The following TMOD1 variants were observed in gnomAD, a reference collection of about 807,000 sequenced individuals.
TMOD1 encodes tropomodulin-1.
A neutral mutation model predicts 40.6 loss-of-function variants in TMOD1; 17 were observed. That is an observed-to-expected ratio of 0.42 (90% CI 0.29 to 0.63). TMOD1 has a LOEUF of 0.63. TMOD1 is among the 20% of genes least tolerant of loss of function. TMOD1 has a pLI of 0.22. For missense variants in TMOD1, 391 were observed against 447.6 expected (o/e 0.87, Z 1.14); for synonymous variants, 181 against 175.0 (o/e 1.03, Z -0.27).
At chr9:97,569,980 G>A (rs1830794159) in intron 8 of TMOD1, among the ~76,000 whole-genome samples, 1 of 151,678 alleles carries the variant, frequency 6.6e-6, no homozygotes, top group South Asian at 2.1e-4. Context: ...AATTTTTGCT[G>A]AATGGTTGTA....
At chr9:97,505,052 G>T (rs562389025) in intron 1 of TMOD1, among the ~76,000 whole-genome samples, 1 of 152,266 alleles carries the variant, frequency 6.6e-6, no homozygotes, top group East Asian at 1.9e-4. Flanking sequence ...GGCTAATCAT[G>T]ATAGAACCTA....
At chr9:97,596,214 G>T (rs938008196) in intron 9 of TMOD1, among the ~76,000 whole-genome samples, 6 of 151,990 alleles carry the variant, frequency 3.9e-5, no homozygotes, top group Non-Finnish European at 8.8e-5. Context: ...TGCCGTGTAT[G>T]TTGAGCCCTC....
In TMOD1 at chr9:97,601,222, T is replaced by C; in HGVS notation, c.*1524T>C. ...AGCTGCATTCTGCATCGCTGAAAAC[T>C]GCAATATAATATTAAATCTGTTGGT... On this transcript the variant is annotated 3_prime_UTR_variant, in exon 10 of 10. Transcript: ENST00000259365. 7.8e-7 allele frequency: 1 copy of C among 1,276,276 alleles called. No homozygotes were observed. The highest frequency in any genetic ancestry group is 1.0e-6 in the Non-Finnish European group (1 of 973,612). 79.1% of individuals were successfully genotyped at this position (1,276,276 alleles called of 1,614,324 possible).
chr9:97,564,834 G>C (rs1830701872), intron 6 of TMOD1, among the ~76,000 whole-genome samples: 1 of 151,788 alleles, frequency 6.6e-6, no homozygotes, highest in South Asian at 2.1e-4. Flanking sequence ...GCTGAGCCCA[G>C]AGACCAGTGG....
chr9:97,558,871 C>T lies in TMOD1; in HGVS notation c.398-3861C>T, dbSNP rs539362023. On this transcript the variant is annotated intron_variant, in intron 4 of 9. Coordinates refer to ENST00000259365, the MANE Select transcript of TMOD1 (RefSeq NM_003275.4). Reference sequence around the variant, plus strand: ...TACAGGTGAGAAAACTGAGCGTCCCCCCAGCCCCCAAAAAGGAAGTGACCT... The same window carrying T: ...TACAGGTGAGAAAACTGAGCGTCCCTCCAGCCCCCAAAAAGGAAGTGACCT... Among the ~76,000 whole-genome samples the T allele has an allele frequency of 4.6e-5, 7 of 152,248 alleles. No homozygotes were observed. In the South Asian group the frequency reaches 1.0e-3, roughly 23 times the overall value.
At chr9:97,584,077 C>G (rs1382155121) in intron 8 of TMOD1, among the ~76,000 whole-genome samples, 1 of 149,256 alleles carries the variant, frequency 6.7e-6, no homozygotes, top group Non-Finnish European at 1.5e-5. Flanking sequence ...TTTTCTAGTT[C>G]TTTTAATTGT....
At chr9:97,554,390 A>G (rs1175405458) in intron 4 of TMOD1, among the ~76,000 whole-genome samples, 1 of 152,140 alleles carries the variant, frequency 6.6e-6, no homozygotes, top group Non-Finnish European at 1.5e-5. Flanking sequence ...AACCTGTGGC[A>G]CTTGAGGCAC....
intron 8 of TMOD1, among the ~76,000 whole-genome samples, chr9:97,588,453 A>T (rs1825927198): frequency 6.6e-6 from 1 of 152,182 alleles, no homozygotes; most frequent in South Asian, 2.1e-4. Flanking sequence ...TTGAGTTCTA[A>T]TAGTTCTTTA....
chr9:97,508,057 T>TCACACACACACACACACACA (rs56669574), intron 1 of TMOD1, among the ~76,000 whole-genome samples: 1 of 131,992 alleles, frequency 7.6e-6, no homozygotes, highest in African/African-American at 2.8e-5. Context: ...TCTTCCTGAT[T>TCACACACACACACACACACA]CACACACACA....
chr9:97,600,572 G>A lies in TMOD1; in HGVS notation c.*874G>A, dbSNP rs759342503. On this transcript the variant is annotated 3_prime_UTR_variant, in exon 10 of 10. Transcript: ENST00000259365. ...GGCTTATGTGAGGTAAGACACTAGA[G>A]GGATAAATTTCCAGATCAACATGGC... 2 of 986,192 alleles carry A rather than the reference G, an allele frequency of 2.0e-6. No individual in the cohort carries two copies. Among genetic ancestry groups the A allele is most frequent in the Non-Finnish European group, 2.4e-6 (2 of 830,640 alleles). 61.1% of individuals were successfully genotyped at this position (986,192 alleles called of 1,614,324 possible).
chr9:97,590,263 G>A (rs915444285), intron 8 of TMOD1, among the ~76,000 whole-genome samples: 4 of 151,252 alleles, frequency 2.6e-5, no homozygotes, highest in East Asian at 1.9e-4. Context: ...TCGCTCTGTC[G>A]CCTGGGCTGG....
chr9:97,565,940 T>TG lies in TMOD1; in HGVS notation c.712dup (p.Asp238GlyfsTer9). 6.2e-7 allele frequency: 1 copy of TG among 1,614,184 alleles called. No individual in the cohort carries two copies. Among genetic ancestry groups the TG allele is most frequent in the Non-Finnish European group, 8.5e-7 (1 of 1,179,984 alleles). The stretch of plus-strand genomic sequence containing the variant: ...TCAGCATCGTGGGGACACGGAGTAA[T>TG]GACCCCGTGGCGTATGTATGTACCT... On this transcript the variant is annotated frameshift_variant, in exon 7 of 10. Coordinates refer to ENST00000259365, the MANE Select transcript of TMOD1 (RefSeq NM_003275.4). LOFTEE classifies it high-confidence loss of function.
chr9:97,536,831 C>T (rs1830192916), intron 2 of TMOD1, among the ~76,000 whole-genome samples: 1 of 152,148 alleles, frequency 6.6e-6, no homozygotes, highest in African/African-American at 2.4e-5. Context: ...CCTGGGACCG[C>T]CAGAGCCCAG....
chr9:97,508,080 CACA>C (rs1383994749), intron 1 of TMOD1, among the ~76,000 whole-genome samples: 2 of 137,662 alleles, frequency 1.5e-5, no homozygotes, highest in Non-Finnish European at 3.2e-5. Flanking sequence ...CACACACACA[CACA>C]CACACACACA....
At chr9:97,522,196 A>G (rs1829928968) in intron 1 of TMOD1, among the ~76,000 whole-genome samples, 1 of 152,218 alleles carries the variant, frequency 6.6e-6, no homozygotes, top group Non-Finnish European at 1.5e-5. Context: ...GTTGGAGGCT[A>G]GAAGTCTGAG....
At position 97,527,767 on chromosome 9, in the gene TMOD1, G is replaced by A. The variant is rs538715209; in HGVS notation, c.120+3459G>A. 8.5e-5 allele frequency among the ~76,000 whole-genome samples: 13 copies of A among 152,344 alleles called. No homozygotes were observed. In the South Asian group the frequency reaches 2.7e-3, roughly 32 times the overall value. On this transcript the variant is annotated intron_variant, in intron 2 of 9. Coordinates refer to ENST00000259365, the MANE Select transcript of TMOD1 (RefSeq NM_003275.4). ...GCTGATGCTGGGGACACATGGACTG[G>A]AGGGGTGTCAGGGAGATGGGTGAGA...
chr9:97,592,356 G>C (rs1448841672), intron 9 of TMOD1, among the ~76,000 whole-genome samples: 1 of 151,076 alleles, frequency 6.6e-6, no homozygotes. Flanking sequence ...GAGTTTCCTA[G>C]AACCAAGACA....
intron 2 of TMOD1, among the ~76,000 whole-genome samples, chr9:97,541,348 C>T (rs1209610129): frequency 1.3e-5 from 2 of 151,912 alleles, no homozygotes; most frequent in Non-Finnish European, 2.9e-5. Flanking sequence ...CCACCATGCC[C>T]GGCTAATTTT....
In TMOD1 at chr9:97,600,416, T is replaced by A; in HGVS notation, c.*718T>A. On this transcript the variant is annotated 3_prime_UTR_variant, in exon 10 of 10. Coordinates refer to ENST00000259365, the MANE Select transcript of TMOD1 (RefSeq NM_003275.4). ...GTCCCTGAGTGTTCTTTAAGAACATTTGGGATTTATGTACAATTTAATACT... is the reference window on the plus strand; with the variant it reads ...GTCCCTGAGTGTTCTTTAAGAACATATGGGATTTATGTACAATTTAATACT... 2.0e-6 allele frequency: 2 copies of A among 985,732 alleles called. No individual in the cohort carries two copies. Among genetic ancestry groups the A allele is most frequent in the Non-Finnish European group, 2.4e-6 (2 of 830,094 alleles). The allele number at this position is 985,732 out of a possible 1,614,324, so 61.1% of individuals were successfully genotyped here.
Sources: allele counts gnomAD v4.1 joint callset (sites outside exome capture counted in the v4.1 genomes callset), GRCh38; gene constraint gnomAD v4.1.1; transcripts MANE v1.5; gene names NCBI Gene and HGNC (gene_info 2026-07-23, HGNC 2026-07-21).